ST6GALNAC3: variants seen among roughly 807,000 people sequenced by gnomAD.
ST6GALNAC3 encodes ST6 N-acetylgalactosaminide alpha-2,6-sialyltransferase 3.
ST6GALNAC3 carries 25 observed loss-of-function variants against 32.7 expected under a neutral mutation model. The ratio of observed to expected loss-of-function variants is 0.76; its 90% confidence interval spans 0.56 to 1.07. The LOEUF (loss-of-function observed/expected upper bound fraction) is 1.07. Among genes scored for constraint, ST6GALNAC3 ranks in the 50% least tolerant of loss-of-function variants. The pLI, the probability that ST6GALNAC3 is intolerant of heterozygous loss-of-function variation, is 0.00. For missense variants in ST6GALNAC3, 355 were observed against 382.4 expected (o/e 0.93, Z 0.60); for synonymous variants, 129 against 133.1 (o/e 0.97, Z 0.21).
chr1:76,486,553 CT>C (rs1431914882), intron 3 of ST6GALNAC3, among the ~76,000 whole-genome samples: 1 of 151,732 alleles, frequency 6.6e-6, no homozygotes, highest in Non-Finnish European at 1.5e-5. Context: ...CAACCCTTGC[CT>C]TTTTTTTGTT....
chr1:76,329,798 T>C (rs1027139242), intron 2 of ST6GALNAC3, among the ~76,000 whole-genome samples: 9 of 149,956 alleles, frequency 6.0e-5, no homozygotes, highest in Non-Finnish European at 1.2e-4. Context: ...TTCTCTCTCT[T>C]TATTTATTTA....
chr1:76,583,891 C>G (rs1646925385), intron 3 of ST6GALNAC3, among the ~76,000 whole-genome samples: 1 of 152,168 alleles, frequency 6.6e-6, no homozygotes, highest in Non-Finnish European at 1.5e-5. Flanking sequence ...ACAATGTTGA[C>G]CCATCTTAAG....
At chr1:76,457,734 C>G (rs1657942301) in intron 3 of ST6GALNAC3, among the ~76,000 whole-genome samples, 3 of 152,144 alleles carry the variant, frequency 2.0e-5, no homozygotes, top group Admixed American at 2.0e-4. Context: ...AAAATTAATT[C>G]AAGCTGGATT....
intron 2 of ST6GALNAC3, among the ~76,000 whole-genome samples, chr1:76,408,197 C>G (rs1653971000): frequency 6.6e-6 from 1 of 152,008 alleles, no homozygotes; most frequent in African/African-American, 2.4e-5. Flanking sequence ...TCTTGTCATA[C>G]TTTAAAGATG....
At chr1:76,425,381 C>A (rs1655304524) in intron 3 of ST6GALNAC3, among the ~76,000 whole-genome samples, 2 of 151,934 alleles carry the variant, frequency 1.3e-5, no homozygotes, top group South Asian at 4.2e-4. Context: ...CAACCATACG[C>A]CCTCACCCGC....
intron 1 of ST6GALNAC3, among the ~76,000 whole-genome samples, chr1:76,124,626 A>G (rs1649124046): frequency 6.6e-6 from 1 of 152,200 alleles, no homozygotes; most frequent in Non-Finnish European, 1.5e-5. Flanking sequence ...GCCTGGCCCC[A>G]ACTTTTTTCC....
chr1:76,412,936 C>T (rs1471092040), intron 3 of ST6GALNAC3: 1 of 304,820 alleles, frequency 3.3e-6, no homozygotes, highest in Non-Finnish European at 6.4e-6. Flanking sequence ...ACTTGTTCAG[C>T]AGAATACCAT....
chr1:76,083,286 G>A (rs1436611624), intron 1 of ST6GALNAC3, among the ~76,000 whole-genome samples: 1 of 152,254 alleles, frequency 6.6e-6, no homozygotes, highest in African/African-American at 2.4e-5. Context: ...CTCTATTTGG[G>A]ACTAGTGGGA....
intron 3 of ST6GALNAC3, among the ~76,000 whole-genome samples, chr1:76,492,524 C>T (rs956599621): frequency 1.3e-4 from 20 of 152,118 alleles, no homozygotes; most frequent in African/African-American, 4.6e-4. Context: ...GATTGACAGT[C>T]GCTTATCACC....
At chr1:76,089,138 C>T (rs940001517) in intron 1 of ST6GALNAC3, among the ~76,000 whole-genome samples, 23 of 152,208 alleles carry the variant, frequency 1.5e-4, no homozygotes, top group Admixed American at 1.3e-3. Context: ...ACACCATTCT[C>T]CTGCCTCAGC....
chr1:76,400,290 T>C (rs1653304781), intron 2 of ST6GALNAC3, among the ~76,000 whole-genome samples: 1 of 152,220 alleles, frequency 6.6e-6, no homozygotes, highest in Non-Finnish European at 1.5e-5. Flanking sequence ...GACAATCAAA[T>C]GATTTTACTT....
chr1:76,602,050 C>A (rs1336772101), intron 3 of ST6GALNAC3, among the ~76,000 whole-genome samples: 2 of 152,096 alleles, frequency 1.3e-5, no homozygotes, highest in African/African-American at 4.8e-5. Flanking sequence ...TCTCTAATTG[C>A]TTTGCAAAGT....
At chr1:76,483,170 T>A (rs1202622120) in intron 3 of ST6GALNAC3, among the ~76,000 whole-genome samples, 1 of 152,182 alleles carries the variant, frequency 6.6e-6, no homozygotes, top group Non-Finnish European at 1.5e-5. Context: ...TTGTGAATAG[T>A]GCCGCAATAA....
intron 2 of ST6GALNAC3, among the ~76,000 whole-genome samples, chr1:76,364,116 A>G (rs1650180181): frequency 6.6e-6 from 1 of 152,214 alleles, no homozygotes; most frequent in South Asian, 2.1e-4. Context: ...CAGTACAAGG[A>G]ACGTATAAAA....
intron 1 of ST6GALNAC3, among the ~76,000 whole-genome samples, chr1:76,176,084 C>T (rs1303464207): frequency 1.3e-5 from 2 of 152,196 alleles, no homozygotes; most frequent in South Asian, 4.2e-4. Context: ...AGGGTGAATT[C>T]TAATTAGCCA....
intron 1 of ST6GALNAC3, among the ~76,000 whole-genome samples, chr1:76,272,449 C>T (rs1055816775): frequency 1.3e-5 from 2 of 151,886 alleles, no homozygotes; most frequent in Non-Finnish European, 2.9e-5. Context: ...ATGAGAGATA[C>T]GGGGTCTTAC....
At chr1:76,387,836 T>A (rs932791346) in intron 2 of ST6GALNAC3, among the ~76,000 whole-genome samples, 1 of 152,162 alleles carries the variant, frequency 6.6e-6, no homozygotes, top group Non-Finnish European at 1.5e-5. Context: ...CTACTATTAC[T>A]TGTATTTGAT....
At chr1:76,196,184 T>C (rs1654193886) in intron 1 of ST6GALNAC3, among the ~76,000 whole-genome samples, 1 of 152,208 alleles carries the variant, frequency 6.6e-6, no homozygotes, top group Admixed American at 6.5e-5. Flanking sequence ...GCTCTAGTTA[T>C]ATGATGAATT....
At chr1:76,394,555 T>A (rs1652798843) in intron 2 of ST6GALNAC3, among the ~76,000 whole-genome samples, 1 of 152,184 alleles carries the variant, frequency 6.6e-6, no homozygotes, top group South Asian at 2.1e-4. Flanking sequence ...TCCTCTCTAA[T>A]AAGAAATAAA....
Sources: gnomAD v4.1 joint callset for allele counts (sites outside exome capture counted in the v4.1 genomes callset) on GRCh38, gnomAD v4.1.1 for gene constraint, MANE v1.5 for transcripts, NCBI Gene and HGNC (gene_info 2026-07-23, HGNC 2026-07-21) for gene names.